Variants in HDGFL3 observed in about 807,000 individuals in gnomAD.
HDGFL3 encodes the protein hepatoma-derived growth factor-related protein 3.
A neutral mutation model predicts 27.6 loss-of-function variants in HDGFL3; 6 were observed. The observed-to-expected ratio is 0.22, with a 90% confidence interval of 0.12 to 0.43. HDGFL3 has a LOEUF of 0.43. Ranked by LOEUF, HDGFL3 falls within the 20% of genes least tolerant of loss-of-function variation. HDGFL3 has a pLI of 1.00. For synonymous variants in HDGFL3, 88 were observed against 88.9 expected, an observed-to-expected ratio of 0.99 and a Z score of 0.05; for missense variants, 207 against 250.1, an observed-to-expected ratio of 0.83 and a Z score of 1.16.
intron 1 of HDGFL3, among the ~76,000 whole-genome samples, chr15:83,183,660 T>C (rs941410876): frequency 4.6e-5 from 7 of 151,916 alleles, no homozygotes; most frequent in African/African-American, 7.3e-5. Flanking sequence ...TGAGGCAGAA[T>C]TGCTTGAACT....
chr15:83,160,256 G>A (rs1033355772), intron 2 of HDGFL3, among the ~76,000 whole-genome samples: 3 of 151,554 alleles, frequency 2.0e-5, no homozygotes, highest in Admixed American at 6.6e-5. Context: ...GCACGATCTC[G>A]GCTCACTGCA....
intron 3 of HDGFL3, among the ~76,000 whole-genome samples, chr15:83,121,485 A>C (rs2035239142): frequency 6.6e-6 from 1 of 152,242 alleles, no homozygotes; most frequent in African/African-American, 2.4e-5. Context: ...GGCTTTGGCC[A>C]AAATTCTGTG....
intron 1 of HDGFL3, among the ~76,000 whole-genome samples, chr15:83,198,805 G>A (rs1567178448): frequency 6.6e-6 from 1 of 152,136 alleles, no homozygotes; most frequent in Non-Finnish European, 1.5e-5. Context: ...TCCAGAGAGG[G>A]AGAACTCACT....
chr15:83,136,407 C>A lies in HDGFL3; in HGVS notation c.*2863G>T. The A allele has an allele frequency of 1.6e-6, 2 of 1,282,726 alleles. No homozygotes were observed. The highest frequency in any genetic ancestry group is 1.1e-6 in the Non-Finnish European group (1 of 950,178). 79.5% of individuals were successfully genotyped at this position (1,282,726 alleles called of 1,614,324 possible). ...GGCACAGAAACGTAGCCTGAATGAA[C>A]CATTCAGAACTCATCATGCATCCAA... On this transcript the variant is annotated 3_prime_UTR_variant, in exon 6 of 6. Transcript: ENST00000299633.
At chr15:83,192,233 T>G in intron 1 of HDGFL3, 1 of 453,366 alleles carries the variant, frequency 2.2e-6, no homozygotes. Flanking sequence ...TGAGCCACAG[T>G]GCCTGACCTG....
chr15:83,159,060 C>T (rs890526957), intron 2 of HDGFL3, among the ~76,000 whole-genome samples: 7 of 152,068 alleles, frequency 4.6e-5, no homozygotes, highest in African/African-American at 9.7e-5. Context: ...AGGCTGGTCT[C>T]GAACTCCTGA....
chr15:83,122,819 G>C, downstream of HDGFL3: 1 of 1,613,994 alleles, frequency 6.2e-7, no homozygotes, highest in African/African-American at 1.3e-5. Context: ...TTGTCTTCCT[G>C]TCTGGGCTGG....
chr15:83,141,529 A>C (rs1211586328), intron 5 of HDGFL3, among the ~76,000 whole-genome samples: 1 of 152,218 alleles, frequency 6.6e-6, no homozygotes, highest in African/African-American at 2.4e-5. Context: ...ATAAAATTTG[A>C]GTGTTCAGTG....
chr15:83,149,826 G>A (rs865905432), intron 5 of HDGFL3, among the ~76,000 whole-genome samples: 2 of 152,158 alleles, frequency 1.3e-5, no homozygotes, highest in African/African-American at 4.8e-5. Context: ...ACCTTAGGCT[G>A]TTTATAGGCA....
Position 83,113,051 on chromosome 15 carries a change from C to T in HDGFL3, c.*2658G>A, listed in dbSNP as rs868128575. 1.8e-4 allele frequency: 120 copies of T among 672,358 alleles called. 1 individual carries two copies. In the Middle Eastern group the frequency reaches 2.1e-3, roughly 12 times the overall value. The allele number at this position is 672,358 out of a possible 1,614,324, so 41.6% of individuals were successfully genotyped here. On this transcript the variant is annotated 3_prime_UTR_variant, in exon 4 of 4. Coordinates refer to the HDGFL3 transcript ENST00000568294. Reference sequence around the variant, plus strand: ...GGGTGTTTCAGGACAATCTGGCCCTCGCCTCTGGCTATTGCCTCTCAGGCA... The same window carrying T: ...GGGTGTTTCAGGACAATCTGGCCCTTGCCTCTGGCTATTGCCTCTCAGGCA...
chr15:83,205,927 C>T (rs2037710028), intron 1 of HDGFL3, among the ~76,000 whole-genome samples: 1 of 152,220 alleles, frequency 6.6e-6, no homozygotes, highest in African/African-American at 2.4e-5. Context: ...TTTCAGTCTA[C>T]TGGAACCTGA....
At chr15:83,195,315 G>A (rs2037556249) in intron 1 of HDGFL3, among the ~76,000 whole-genome samples, 1 of 152,080 alleles carries the variant, frequency 6.6e-6, no homozygotes, top group African/African-American at 2.4e-5. Context: ...TGTGGAAAGT[G>A]TAAAACATTC....
chr15:83,183,231 C>T (rs2037401149), intron 1 of HDGFL3, among the ~76,000 whole-genome samples: 1 of 151,640 alleles, frequency 6.6e-6, no homozygotes, highest in Non-Finnish European at 1.5e-5. Flanking sequence ...ACCTGGGTGA[C>T]AAAACAATCT....
chr15:83,153,015 G>C (rs1255829333), intron 4 of HDGFL3, among the ~76,000 whole-genome samples: 2 of 115,686 alleles, frequency 1.7e-5, no homozygotes, highest in African/African-American at 6.6e-5. Flanking sequence ...TTTTTTTTAA[G>C]ACGGAGTCTC....
intron 1 of HDGFL3, among the ~76,000 whole-genome samples, chr15:83,174,687 T>C (rs760600743): frequency 6.6e-6 from 1 of 152,176 alleles, no homozygotes; most frequent in Non-Finnish European, 1.5e-5. Flanking sequence ...TTAAAATGTA[T>C]GTATATGGTT....
rs2036712431 is a variant in HDGFL3, at chr15:83,138,965, G to A, written c.*305C>T. The A allele has an allele frequency of 4.4e-6, 1 of 224,914 alleles. No individual in the cohort carries two copies. The highest frequency in any genetic ancestry group is 1.8e-4 in the South Asian group (1 of 5,494). 13.9% of individuals were successfully genotyped at this position (224,914 alleles called of 1,614,324 possible). A position where few individuals can be genotyped will look rare whatever the true frequency, so the allele number is the denominator to read the frequency against. ...AGGCAGGAAAACGATGATCATAACTGCCTTGATAAAAGGATCCTAGACATG... is the reference window on the plus strand; with the variant it reads ...AGGCAGGAAAACGATGATCATAACTACCTTGATAAAAGGATCCTAGACATG... On this transcript the variant is annotated 3_prime_UTR_variant, in exon 6 of 6. Transcript: ENST00000299633.
chr15:83,161,792 C>T (rs1019720589), intron 2 of HDGFL3, among the ~76,000 whole-genome samples: 1 of 152,102 alleles, frequency 6.6e-6, no homozygotes, highest in Admixed American at 6.5e-5. Flanking sequence ...CAAATCCCCT[C>T]TCAATTGGTT....
At chr15:83,194,246 A>G (rs2037544519) in intron 1 of HDGFL3, among the ~76,000 whole-genome samples, 1 of 152,206 alleles carries the variant, frequency 6.6e-6, no homozygotes, top group Non-Finnish European at 1.5e-5. Context: ...AAAAGGAAGA[A>G]AATTTGGACA....
In HDGFL3 at chr15:83,127,876, C is replaced by T. The variant is rs1375679693; in HGVS notation, c.*11394G>A. 2 of 208,304 alleles carry T rather than the reference C, an allele frequency of 9.6e-6. No individual in the cohort carries two copies. The highest frequency in any genetic ancestry group is 1.9e-5 in the Non-Finnish European group (2 of 104,702). The allele number at this position is 208,304 out of a possible 1,614,324, so 12.9% of individuals were successfully genotyped here. A position where few individuals can be genotyped will look rare whatever the true frequency, so the allele number is the denominator to read the frequency against. On this transcript the variant is annotated 3_prime_UTR_variant, in exon 6 of 6. Transcript: ENST00000299633. ...TTTAAGACTTCAGAATTCCACTACGCTATGCTATACAGAACCAGGGAAACT... is the reference window on the plus strand; with the variant it reads ...TTTAAGACTTCAGAATTCCACTACGTTATGCTATACAGAACCAGGGAAACT...
Sources: gnomAD v4.1 joint callset for allele counts (sites outside exome capture counted in the v4.1 genomes callset) on GRCh38, gnomAD v4.1.1 for gene constraint, MANE v1.5 for transcripts, NCBI Gene and HGNC (gene_info 2026-07-23, HGNC 2026-07-21) for gene names.